OSBPL7: variants seen among roughly 807,000 people sequenced by gnomAD.
OSBPL7 encodes the protein oxysterol-binding protein-related protein 7.
In OSBPL7, 66 loss-of-function variants were observed where a neutral mutation model predicts 115.8. The ratio of observed to expected loss-of-function variants is 0.57; its 90% CI spans 0.47 to 0.70. The LOEUF (loss-of-function observed/expected upper bound fraction) is 0.70, where lower values mean the gene tolerates loss of function less well. Ranked by LOEUF, OSBPL7 falls within the 30% of genes least tolerant of loss-of-function variation. The probability of loss-of-function intolerance (pLI) is 0.00; values close to 1 mark genes in which losing one functional copy is unlikely to be tolerated. For missense variants in OSBPL7, 902 were observed against 1,125.5 expected, an observed-to-expected ratio of 0.80 and a Z score of 2.84; for synonymous variants, 441 against 439.2, an observed-to-expected ratio of 1.00 and a Z score of -0.05.
Position 47,816,466 on chromosome 17 carries a change from G to T in OSBPL7, c.945C>A (p.Ser315Arg). 1 of 1,543,796 alleles carries T rather than the reference G, an allele frequency of 6.5e-7. No homozygotes were observed. Residue 315 changes from serine (S) to arginine (R), a missense_variant, in exon 11 of 23, where the codon AGC becomes AGA. Physicochemically the swap from Ser to Arg is moderately radical, Grantham distance 110 (BLOSUM62 -1). This residue lies in a region of OSBPL7 where 667 missense variants were observed against 788.7 expected (regional missense o/e 0.85). Coordinates refer to ENST00000007414, the MANE Select transcript of OSBPL7 (RefSeq NM_145798.3). The surrounding 1 kb of genome is among the most constrained non-coding windows in gnomAD (Gnocchi z 5.8). ...ALAQKVHSSL[S>R]SVLAALTMER... ...CCATGGTGAGGGCGGCCAGGACGCT[G>T]CTGAGGGAGCTGTGCACTACAGGGA...
chr17:47,810,553 C>A, intron 18 of OSBPL7, 41 bp downstream of exon 18: 5 of 1,563,880 alleles, frequency 3.2e-6, no homozygotes, highest in Non-Finnish European at 4.4e-6. Context: ...TGAAGGATTG[C>A]CTGTGGCTTG....
Position 47,808,889 on chromosome 17 carries a change from C to A in OSBPL7, c.2272G>T (p.Asp758Tyr). 6.2e-7 allele frequency: 1 copy of A among 1,614,206 alleles called. No homozygotes were observed. The highest frequency in any genetic ancestry group is 8.5e-7 in the Non-Finnish European group (1 of 1,180,034). ...CTCTGGTCTGGCCGGAGTCTCGTGT[C>A]GGTGGAAGGCAGCGACCGTTTCAGC... ...AELKRSLPST[D>Y]TRLRPDQRYL... The change falls in exon 21 of 23, where the codon GAC becomes TAC. Residue 758 changes from aspartate (D) to tyrosine (Y), a missense_variant. Physicochemically the swap from Asp to Tyr is radical, Grantham distance 160. This residue lies in a region of OSBPL7 where 230 missense variants were observed against 312.7 expected (regional missense o/e 0.74). Coordinates refer to ENST00000007414, the MANE Select transcript of OSBPL7 (RefSeq NM_145798.3). This position sits in a 1 kb window ranked among gnomAD's most constrained non-coding sequence, Gnocchi z 6.1.
At chr17:47,818,841 C>T in intron 5 of OSBPL7, 145 bp downstream of exon 5, 1 of 819,592 alleles carries the variant, frequency 1.2e-6, no homozygotes, top group Non-Finnish European at 2.0e-6. Context: ...TTGCCCTTGG[C>T]TGTTTTTACA....
chr17:47,810,901 T>C, intron 16 of OSBPL7, 66 bp from the exon 17 acceptor site: 1 of 1,495,276 alleles, frequency 6.7e-7, no homozygotes, highest in Non-Finnish European at 9.2e-7. Flanking sequence ...CAAAGTCCCT[T>C]ATTCCCACCC....
chr17:47,809,148 G>A lies in OSBPL7; in HGVS notation c.2098C>T (p.Arg700Ter), dbSNP rs762101913. The change falls in exon 20 of 23, where the codon CGA (arginine) becomes TGA (stop). Residue 700 changes from arginine to a stop codon, truncating the protein, a stop_gained. Transcript: ENST00000007414. LOFTEE classifies it high-confidence loss of function. Reference sequence around the variant, plus strand: ...CCCTCGTGCCACTTCCCAAAGAGTCGGTGGAGGACACGGCCACTCCGACTG... The same window carrying A: ...CCCTCGTGCCACTTCCCAAAGAGTCAGTGGAGGACACGGCCACTCCGACTG... ...VLSRSGRVLH[R>*]LFGKWHEGLY... The A allele has an allele frequency of 3.1e-6, 5 of 1,614,024 alleles. No individual in the cohort carries two copies. Among genetic ancestry groups the A allele is most frequent in the East Asian group, 2.2e-5 (1 of 44,888 alleles).
chr17:47,819,062 C>T lies in OSBPL7; in HGVS notation c.293G>A (p.Arg98Gln), dbSNP rs200951028. The T allele has an allele frequency of 6.2e-6, 10 of 1,613,930 alleles. No individual in the cohort carries two copies. The highest frequency in any genetic ancestry group is 4.5e-5 in the East Asian group (2 of 44,888). The change falls in exon 5 of 23, where the codon CGG (arginine) becomes CAG (glutamine). Residue 98 changes from arginine (R) to glutamine (Q), a missense_variant. This residue lies in a region of OSBPL7 where 667 missense variants were observed against 788.7 expected (regional missense o/e 0.85). Transcript: ENST00000007414. ...TTTGTTGATGGACATGACCGACAGC[C>T]GGACATCGATGGAGCCATGGAGCTT... ...KGKLHGSIDV[R>Q]LSVMSINKKA...
intron 7 of OSBPL7, among the ~76,000 whole-genome samples, chr17:47,818,061 G>A (rs866141190): frequency 5.3e-5 from 8 of 152,112 alleles, no homozygotes; most frequent in Non-Finnish European, 1.2e-4. Context: ...CTGCATCCAC[G>A]TCTGTCTATG....
Position 47,808,442 on chromosome 17 carries a change from AG to A in OSBPL7, c.2421-44del, listed in dbSNP as rs1472504477. ...TGGCAGTGAGGGGTGAACATCTAGA[AG>A]GCAGGCTAGGGTCCTAAGGTGCTGC... On this transcript the variant is annotated intron_variant, in intron 22 of 22. Coordinates refer to ENST00000007414, the MANE Select transcript of OSBPL7 (RefSeq NM_145798.3). The surrounding 1 kb of genome is among the most constrained non-coding windows in gnomAD (Gnocchi z 6.1). 6 of 1,613,722 alleles carry A rather than the reference AG, an allele frequency of 3.7e-6. No homozygotes were observed. The East Asian group carries it at 1.3e-4, about 36-fold the overall frequency.
intron 2 of OSBPL7, 39 bp downstream of exon 2, chr17:47,820,165 C>G (rs1985407): frequency 1.2e-6 from 2 of 1,613,370 alleles, no homozygotes; most frequent in Non-Finnish European, 1.7e-6. Context: ...TGTCTGGTTC[C>G]AGCTTGGCCC....
intron 16 of OSBPL7, among the ~76,000 whole-genome samples, chr17:47,812,281 C>G (rs1310353720): frequency 6.6e-6 from 1 of 152,240 alleles, no homozygotes; most frequent in Non-Finnish European, 1.5e-5. Flanking sequence ...CGACCCCTCC[C>G]CTTCGGGGCC....
Position 47,813,340 on chromosome 17 carries a change from GC to G in OSBPL7, c.1662del (p.Lys554AsnfsTer49). 1.2e-6 allele frequency: 2 copies of G among 1,614,122 alleles called. No homozygotes were observed. The highest frequency in any genetic ancestry group is 1.7e-6 in the Non-Finnish European group (2 of 1,180,030). ...YSSTYHRAGC[K>X]PFNPVLGETY... ...GTCTCCCCCAGGACAGGGTTGAAGGGCTTGCAGCCGGCTCGGTGGTATGTGG... is the reference window on the plus strand; with the variant it reads ...GTCTCCCCCAGGACAGGGTTGAAGGGTTGCAGCCGGCTCGGTGGTATGTGG... On this transcript the variant is annotated frameshift_variant, in exon 16 of 23. Coordinates refer to ENST00000007414, the MANE Select transcript of OSBPL7 (RefSeq NM_145798.3). LOFTEE classifies it high-confidence loss of function.
intron 16 of OSBPL7, 98 bp downstream of exon 16, chr17:47,813,168 C>T: frequency 1.3e-6 from 2 of 1,520,570 alleles, no homozygotes; most frequent in South Asian, 2.5e-5. Flanking sequence ...ACGCTCCTCT[C>T]CCAGGCCCTG....
At chr17:47,814,735 T>C (rs1235333262) in intron 13 of OSBPL7, 121 bp from the exon 14 acceptor site, 7 of 819,308 alleles carry the variant, frequency 8.5e-6, no homozygotes, top group African/African-American at 1.7e-5. Context: ...AGAGAATGTA[T>C]TGGGGGCACT....
chr17:47,819,327 A>G lies in OSBPL7; in HGVS notation c.256-228T>C. ...TCTAAGAAGTCACAGATCAAGAAAA[A>G]CTATTCCCACCCTCAGGGGTCTGCA... is the stretch of plus-strand genomic sequence containing the variant. On this transcript the variant is annotated intron_variant, in intron 4 of 22. Coordinates refer to ENST00000007414, the MANE Select transcript of OSBPL7 (RefSeq NM_145798.3). 3 of 570,916 alleles carry G rather than the reference A, an allele frequency of 5.3e-6. No homozygotes were observed. The South Asian group carries it at 6.2e-5, about 12-fold the overall frequency. The allele number at this position is 570,916 out of a possible 1,614,324, so 35.4% of individuals were successfully genotyped here.
At chr17:47,819,862 CTT>C in intron 3 of OSBPL7, 80 bp from the exon 4 acceptor site, 2 of 1,609,632 alleles carry the variant, frequency 1.2e-6, no homozygotes, top group African/African-American at 2.7e-5. Context: ...CACAAATTAG[CTT>C]TTCTTTTCCT....
chr17:47,812,222 C>G (rs547956423), intron 16 of OSBPL7, among the ~76,000 whole-genome samples: 1 of 152,196 alleles, frequency 6.6e-6, no homozygotes, highest in East Asian at 1.9e-4. Context: ...GTCTCGGGAA[C>G]CTTCCTCACG....
At chr17:47,815,443 G>T in intron 12 of OSBPL7, 91 bp from the exon 13 acceptor site, 1 of 1,551,440 alleles carries the variant, frequency 6.4e-7, no homozygotes, top group Non-Finnish European at 8.7e-7. Flanking sequence ...CCCTTGAGAG[G>T]GAGGCATAAC....
intron 4 of OSBPL7, chr17:47,819,364 G>A: frequency 1.8e-6 from 1 of 563,840 alleles, no homozygotes; most frequent in South Asian, 2.1e-5. Context: ...GGTTGTGGAA[G>A]GCAACACCCT....
chr17:47,819,646 G>T (rs1206550468), intron 4 of OSBPL7, 83 bp downstream of exon 4: 3 of 1,535,978 alleles, frequency 2.0e-6, no homozygotes, highest in Non-Finnish European at 2.7e-6. Context: ...CCCTGCTCTG[G>T]TCGATTCCAG....
Sources: gnomAD v4.1 joint callset for allele counts (sites outside exome capture counted in the v4.1 genomes callset) on GRCh38, gnomAD v4.1.1 for gene constraint, gnomAD v4.1.1 regional missense constraint, Gnocchi (gnomAD v3.1) non-coding constraint, MANE v1.5 for transcripts, NCBI Gene and HGNC (gene_info 2026-07-23, HGNC 2026-07-21) for gene names.